WWOX: variants seen among roughly 807,000 people sequenced by gnomAD.
WWOX encodes the protein WW domain containing oxidoreductase.
A neutral mutation model predicts 46.2 loss-of-function variants in WWOX; 69 were observed. The observed-to-expected ratio is 1.49, with a 90% confidence interval of 1.23 to 1.82. WWOX has a LOEUF of 1.82. WWOX is among the 40% of genes most tolerant of loss of function. WWOX has a pLI of 0.00. For synonymous variants in WWOX, 359 were observed against 202.6 expected (o/e 1.77, Z -6.56); for missense variants, 919 against 542.6 (o/e 1.69, Z -6.89).
At chr16:78,377,734 G>A (rs745590295) in intron 5 of WWOX, among the ~76,000 whole-genome samples, 5 of 151,998 alleles carry the variant, frequency 3.3e-5, no homozygotes, top group African/African-American at 7.2e-5. Flanking sequence ...TTTTTTATCC[G>A]GATTGCAAAA....
At chr16:78,275,891 C>T (rs772469470) in intron 5 of WWOX, among the ~76,000 whole-genome samples, 13 of 152,298 alleles carry the variant, frequency 8.5e-5, no homozygotes, top group Non-Finnish European at 1.5e-4. Context: ...GAAGTGCAGC[C>T]TCTTGTCGAG....
intron 4 of WWOX, among the ~76,000 whole-genome samples, chr16:78,146,245 C>T (rs1351519075): frequency 2.6e-5 from 4 of 152,194 alleles, no homozygotes; most frequent in African/African-American, 9.6e-5. Flanking sequence ...CCTGGCAAGC[C>T]GTGCAGGTTG....
At chr16:78,117,656 A>G (rs1490251884) in intron 4 of WWOX, among the ~76,000 whole-genome samples, 1 of 152,206 alleles carries the variant, frequency 6.6e-6, no homozygotes, top group Non-Finnish European at 1.5e-5. Flanking sequence ...CTACTAAGCT[A>G]TGAAACATGC....
At chr16:78,701,230 G>A (rs1005665733) in intron 8 of WWOX, among the ~76,000 whole-genome samples, 5 of 152,108 alleles carry the variant, frequency 3.3e-5, no homozygotes, top group African/African-American at 1.2e-4. Flanking sequence ...TACTTTACAT[G>A]TACATGTAAA....
rs189095725 is a variant in WWOX at position 78,585,392 on chromosome 16, G to A, written c.1056+152640G>A. Among the ~76,000 whole-genome samples, 159 of 152,202 alleles carry A rather than the reference G, an allele frequency of 1.0e-3. 1 individual carries two copies. Among genetic ancestry groups the A allele is most frequent in the Middle Eastern group, 3.4e-3 (1 of 294 alleles). On this transcript the variant is annotated intron_variant, in intron 8 of 8. Coordinates refer to ENST00000566780, the MANE Select transcript of WWOX (RefSeq NM_016373.4). Reference sequence around the variant, plus strand: ...TTAGCATTCTTTATCTTTGGGGATCGGCCACTTACTTGTGGGGTTGACTCT... The same window carrying A: ...TTAGCATTCTTTATCTTTGGGGATCAGCCACTTACTTGTGGGGTTGACTCT...
intron 5 of WWOX, among the ~76,000 whole-genome samples, chr16:78,210,652 A>C (rs567525918): frequency 1.3e-5 from 2 of 152,198 alleles, no homozygotes; most frequent in Non-Finnish European, 2.9e-5. Flanking sequence ...GGGCTTGTTT[A>C]AAGTTTTTAA....
intron 8 of WWOX, among the ~76,000 whole-genome samples, chr16:78,591,929 C>G (rs551676609): frequency 2.0e-5 from 3 of 152,316 alleles, no homozygotes; most frequent in East Asian, 3.9e-4. Flanking sequence ...TGTACAGATG[C>G]GCTCAAGCGA....
chr16:78,963,372 G>C (rs886886347), intron 8 of WWOX, among the ~76,000 whole-genome samples: 1 of 152,140 alleles, frequency 6.6e-6, no homozygotes, highest in African/African-American at 2.4e-5. Context: ...GGGCAGCTGA[G>C]GCAGGAGAAT....
intron 8 of WWOX, among the ~76,000 whole-genome samples, chr16:78,993,167 T>C (rs1054437242): frequency 2.6e-5 from 4 of 152,044 alleles, no homozygotes; most frequent in Admixed American, 2.6e-4. Flanking sequence ...TGCAGAGAGA[T>C]ACTGAGTTAA....
chr16:78,101,346 C>CTTTTTTTTTTTTTTTTTTTTTTTTTT (rs71137871), intron 1 of WWOX, among the ~76,000 whole-genome samples: 1 of 66,850 alleles, frequency 1.5e-5, no homozygotes, highest in Non-Finnish European at 3.0e-5. Context: ...CGCTCCCGGC[C>CTTTTTTTTTTTTTTTTTTTTTTTTTT]TTTTTTTTTT....
At chr16:78,609,311 C>G (rs192038950) in intron 8 of WWOX, among the ~76,000 whole-genome samples, 1 of 151,944 alleles carries the variant, frequency 6.6e-6, no homozygotes, top group South Asian at 2.1e-4. Context: ...TCTTTGATAA[C>G]CTCATTTTCA....
chr16:79,017,869 G>T (rs867417887), intron 8 of WWOX, among the ~76,000 whole-genome samples: 1 of 152,172 alleles, frequency 6.6e-6, no homozygotes, highest in African/African-American at 2.4e-5. Flanking sequence ...TTGTCCTGTG[G>T]ACTGTAGTTT....
At chr16:78,289,255 G>T (rs937063586) in intron 5 of WWOX, among the ~76,000 whole-genome samples, 1 of 152,166 alleles carries the variant, frequency 6.6e-6, no homozygotes, top group African/African-American at 2.4e-5. Flanking sequence ...GGCGTTTTTA[G>T]TGAATTGCCG....
At chr16:78,577,517 C>G (rs1178148345) in intron 8 of WWOX, among the ~76,000 whole-genome samples, 1 of 152,172 alleles carries the variant, frequency 6.6e-6, no homozygotes, top group Non-Finnish European at 1.5e-5. Context: ...GTATGATGCC[C>G]TAATTTTGAG....
chr16:78,541,677 A>G (rs2043899896), intron 8 of WWOX, among the ~76,000 whole-genome samples: 1 of 151,978 alleles, frequency 6.6e-6, no homozygotes, highest in Non-Finnish European at 1.5e-5. Context: ...GAGGTGTGAC[A>G]TTGAAAAAGT....
intron 6 of WWOX, among the ~76,000 whole-genome samples, chr16:78,414,270 A>G (rs112454082): frequency 2.5e-3 from 374 of 152,242 alleles, no homozygotes; most frequent in African/African-American, 8.6e-3. Flanking sequence ...CACTCAGGTG[A>G]TTAAAAAGCT....
chr16:78,606,782 G>T (rs1183729422), intron 8 of WWOX, among the ~76,000 whole-genome samples: 1 of 135,832 alleles, frequency 7.4e-6, no homozygotes, highest in Non-Finnish European at 1.5e-5. Flanking sequence ...GCCACAGGCT[G>T]TTCTGAAAAC....
chr16:79,157,807 C>G (rs2050410798), intron 8 of WWOX, among the ~76,000 whole-genome samples: 1 of 152,088 alleles, frequency 6.6e-6, no homozygotes, highest in African/African-American at 2.4e-5. Context: ...GGGAGAGGGT[C>G]AAACCGTGGG....
chr16:78,476,222 C>T (rs2084345537), intron 8 of WWOX, among the ~76,000 whole-genome samples: 1 of 152,084 alleles, frequency 6.6e-6, no homozygotes, highest in Non-Finnish European at 1.5e-5. Context: ...CTCTGATGGC[C>T]AGTGATGATG....
Sources: allele counts gnomAD v4.1 joint callset (sites outside exome capture counted in the v4.1 genomes callset), GRCh38; gene constraint gnomAD v4.1.1; transcripts MANE v1.5; gene names NCBI Gene and HGNC (gene_info 2026-07-23, HGNC 2026-07-21).